The following THSD7B variants were observed in gnomAD, a reference collection of about 807,000 sequenced individuals.
THSD7B encodes thrombospondin type-1 domain-containing protein 7B.
A neutral mutation model predicts 213.6 loss-of-function variants in THSD7B; 138 were observed. That is an observed-to-expected ratio of 0.65 (90% CI 0.56 to 0.74). The LOEUF is 0.74. THSD7B is among the 30% of genes least tolerant of loss of function. THSD7B has a pLI of 0.00. For missense variants in THSD7B, 1,931 were observed against 1,991.5 expected, an observed-to-expected ratio of 0.97 and a Z score of 0.58; for synonymous variants, 742 against 687.0, an observed-to-expected ratio of 1.08 and a Z score of -1.25.
chr2:137,608,959 A>G (rs1213322983), intron 17 of THSD7B, among the ~76,000 whole-genome samples: 5 of 152,236 alleles, frequency 3.3e-5, no homozygotes, highest in African/African-American at 1.2e-4. Flanking sequence ...CTTTTTACCT[A>G]TGTAAAATGC....
intron 2 of THSD7B, among the ~76,000 whole-genome samples, chr2:137,016,826 T>G (rs1020330424): frequency 2.6e-5 from 4 of 152,210 alleles, no homozygotes; most frequent in Non-Finnish European, 5.9e-5. Flanking sequence ...AAACATTTAA[T>G]GTAAATACTT....
intron 14 of THSD7B, among the ~76,000 whole-genome samples, chr2:137,420,932 A>G (rs1686910242): frequency 6.6e-6 from 1 of 152,132 alleles, no homozygotes; most frequent in Non-Finnish European, 1.5e-5. Context: ...CCCTTTCTAG[A>G]GTTGCATTCC....
chr2:137,665,339 C>A (rs62166263), intron 26 of THSD7B, among the ~76,000 whole-genome samples: 12,913 of 152,068 alleles, frequency 0.085, 642 homozygotes, highest in Middle Eastern at 0.16. Context: ...ACTAACACAG[C>A]AATATCATAT....
At chr2:137,477,111 G>A (rs111778198) in intron 15 of THSD7B, among the ~76,000 whole-genome samples, 2,809 of 152,266 alleles carry the variant, frequency 0.018, 83 homozygotes, top group African/African-American at 0.064. Flanking sequence ...GAGAGTGGGT[G>A]TTGACATATC....
At chr2:136,832,477 G>A (rs1446612392) in intron 1 of THSD7B, among the ~76,000 whole-genome samples, 2 of 152,054 alleles carry the variant, frequency 1.3e-5, no homozygotes, top group African/African-American at 4.8e-5. Context: ...TAATGGTTAG[G>A]TTGATGCCCA....
intron 17 of THSD7B, among the ~76,000 whole-genome samples, chr2:137,606,070 G>C (rs1047249259): frequency 6.6e-6 from 1 of 152,126 alleles, no homozygotes; most frequent in African/African-American, 2.4e-5. Context: ...CAAAGTGCTG[G>C]GATTACAGGC....
chr2:136,939,480 T>A (rs1450914190), intron 2 of THSD7B, among the ~76,000 whole-genome samples: 1 of 130,912 alleles, frequency 7.6e-6, no homozygotes, highest in Non-Finnish European at 1.6e-5. Flanking sequence ...CATGTACAAC[T>A]TTTATCACCT....
intron 7 of THSD7B, among the ~76,000 whole-genome samples, chr2:137,189,572 G>A (rs957300973): frequency 2.1e-5 from 3 of 141,726 alleles, no homozygotes; most frequent in African/African-American, 7.4e-5. Flanking sequence ...GCCCTCCAGA[G>A]CTTGGTTCAA....
chr2:137,362,570 G>C (rs1377737487), intron 12 of THSD7B, among the ~76,000 whole-genome samples: 1 of 151,994 alleles, frequency 6.6e-6, no homozygotes, highest in African/African-American at 2.4e-5. Context: ...CAAAAAAAAA[G>C]CAGGGGTTGC....
At chr2:137,095,818 C>T (rs1688029916) in intron 4 of THSD7B, among the ~76,000 whole-genome samples, 1 of 152,140 alleles carries the variant, frequency 6.6e-6, no homozygotes, top group South Asian at 2.1e-4. Flanking sequence ...ATCTCAGCCT[C>T]TCGAGTAGCT....
intron 9 of THSD7B, among the ~76,000 whole-genome samples, chr2:137,241,924 A>AAT (rs1681916388): frequency 6.6e-6 from 1 of 151,848 alleles, no homozygotes; most frequent in Non-Finnish European, 1.5e-5. Flanking sequence ...AAAAAAAAAA[A>AAT]AAGAAAAGGA....
At chr2:136,909,105 C>A (rs1399510703) in intron 2 of THSD7B, among the ~76,000 whole-genome samples, 1 of 152,058 alleles carries the variant, frequency 6.6e-6, no homozygotes, top group Non-Finnish European at 1.5e-5. Context: ...ATCACTTGAA[C>A]CTGGGAGGTG....
intron 1 of THSD7B, among the ~76,000 whole-genome samples, chr2:136,846,469 A>G (rs1683011834): frequency 1.3e-5 from 2 of 152,184 alleles, no homozygotes; most frequent in African/African-American, 4.8e-5. Flanking sequence ...ATATTATGAG[A>G]AGCAGGAGCA....
intron 2 of THSD7B, chr2:136,906,440 A>T (rs1339887377): frequency 2.2e-4 from 33 of 152,138 alleles, no homozygotes; most frequent in Admixed American, 2.1e-3. Context: ...TTATTTTTGT[A>T]CTTGCAGGAC....
intron 15 of THSD7B, among the ~76,000 whole-genome samples, chr2:137,522,690 C>T (rs1346224167): frequency 1.3e-5 from 2 of 152,134 alleles, no homozygotes; most frequent in Admixed American, 6.5e-5. Context: ...CAGCTCCATT[C>T]GAGCAAAGTT....
At chr2:137,421,626 T>A (rs1269175299) in intron 14 of THSD7B, among the ~76,000 whole-genome samples, 2 of 152,156 alleles carry the variant, frequency 1.3e-5, no homozygotes, top group African/African-American at 4.8e-5. Context: ...CTGGTCCTCT[T>A]GAGTTTTTAT....
chr2:137,592,177 C>T (rs1162258857), intron 17 of THSD7B, among the ~76,000 whole-genome samples: 2 of 151,600 alleles, frequency 1.3e-5, no homozygotes, highest in African/African-American at 2.4e-5. Flanking sequence ...TATTAAAAAA[C>T]TTAAATACAT....
Position 137,450,908 on chromosome 2 carries a change from G to C in THSD7B, c.3023G>C (p.Ser1008Thr). The C allele has an allele frequency of 1.2e-6, 2 of 1,613,632 alleles. No homozygotes were observed. Among genetic ancestry groups the C allele is most frequent in the Non-Finnish European group, 1.7e-6 (2 of 1,179,678 alleles). The change falls in exon 15 of 28, where the codon AGT (serine) becomes ACT (threonine). Residue 1008 changes from serine (S) to threonine (T), a missense_variant. Physicochemically the swap from Ser to Thr is moderately conservative, Grantham distance 58. Transcript: ENST00000409968. ...GATTGCAAGTTAAGCGATTGGTCTA[G>C]TTGGGGGTCTTGCAGTTCATCTTGT... ...PFDCKLSDWS[S>T]WGSCSSSCGI...
intron 2 of THSD7B, among the ~76,000 whole-genome samples, chr2:136,912,692 C>A (rs752877120): frequency 5.8e-4 from 88 of 152,120 alleles, no homozygotes; most frequent in Non-Finnish European, 9.9e-4. Flanking sequence ...ATAAGTCTCA[C>A]AAGATCTGAT....
Sources: gnomAD v4.1 joint callset for allele counts (sites outside exome capture counted in the v4.1 genomes callset) on GRCh38, gnomAD v4.1.1 for gene constraint, MANE v1.5 for transcripts, NCBI Gene and HGNC (gene_info 2026-07-23, HGNC 2026-07-21) for gene names.